Variants in MAEA observed in about 807,000 individuals in gnomAD.
MAEA encodes the protein macrophage erythroblast attacher, E3 ubiquitin ligase, also known as E3 ubiquitin-protein transferase MAEA.
MAEA carries 22 observed loss-of-function variants against 46.2 expected under a neutral mutation model. The observed-to-expected ratio is 0.48, with a 90% CI of 0.34 to 0.68. The LOEUF (loss-of-function observed/expected upper bound fraction) is 0.68, where lower values mean the gene tolerates loss of function less well. MAEA is among the 30% of genes least tolerant of loss of function. The probability of loss-of-function intolerance (pLI) is 0.01; values close to 1 mark genes in which losing one functional copy is unlikely to be tolerated. For synonymous variants in MAEA, 246 were observed against 222.6 expected (o/e 1.11, Z -0.94); for missense variants, 393 against 558.1 (o/e 0.70, Z 2.98).
chr4:1,339,569 T>C lies in MAEA; in HGVS notation c.*400T>C. On this transcript the variant is annotated 3_prime_UTR_variant, in exon 9 of 9. Coordinates refer to ENST00000303400, the MANE Select transcript of MAEA (RefSeq NM_001017405.3). The stretch of plus-strand genomic sequence containing the variant: ...GGAGAACGGGCTGGTCCTTCACCAC[T>C]TCCTGTTGGCCCTGGCCTGGCCGGG... 4.5e-6 allele frequency: 1 copy of C among 221,620 alleles called. No individual in the cohort carries two copies. The highest frequency in any genetic ancestry group is 5.8e-5 in the South Asian group (1 of 17,262). 13.7% of individuals were successfully genotyped at this position (221,620 alleles called of 1,614,324 possible).
rs979790788 is a variant in MAEA, at chr4:1,326,889, T to TC, written c.580-734dup. 8.4e-4 allele frequency among the ~76,000 whole-genome samples: 128 copies of TC among 152,248 alleles called. 1 individual carries two copies. The highest frequency in any genetic ancestry group is 1.4e-3 in the Admixed American group (22 of 15,304). On this transcript the variant is annotated intron_variant, in intron 4 of 8. Transcript: ENST00000303400. The stretch of plus-strand genomic sequence containing the variant: ...CCGTCCATAACCTCGGTGCAGGCGC[T>TC]CCCCGCCCTACCGACCTGGGTCCTG...
chr4:1,306,536 G>T (rs917078255), intron 1 of MAEA, among the ~76,000 whole-genome samples: 4 of 152,104 alleles, frequency 2.6e-5, no homozygotes, highest in African/African-American at 9.7e-5. Context: ...AAAGAAAAGT[G>T]GGTTGGGGGG....
intron 6 of MAEA, among the ~76,000 whole-genome samples, chr4:1,336,604 A>G (rs1460622025): frequency 2.7e-5 from 4 of 150,500 alleles, no homozygotes; most frequent in African/African-American, 9.8e-5. Context: ...ACCCTGTAGC[A>G]TGTTGAAATC....
intron 1 of MAEA, among the ~76,000 whole-genome samples, chr4:1,306,542 G>C (rs1253797076): frequency 2.0e-5 from 3 of 152,090 alleles, no homozygotes; most frequent in African/African-American, 4.8e-5. Context: ...AAGTGGGTTG[G>C]GGGGCTTGCT....
At chr4:1,293,726 G>T (rs1395947176) in intron 1 of MAEA, among the ~76,000 whole-genome samples, 1 of 152,234 alleles carries the variant, frequency 6.6e-6, no homozygotes, top group East Asian at 1.9e-4. Context: ...AGGACAGGCT[G>T]AGAAACACCG....
intron 2 of MAEA, among the ~76,000 whole-genome samples, chr4:1,313,388 G>A (rs971289099): frequency 5.3e-5 from 8 of 152,142 alleles, no homozygotes; most frequent in African/African-American, 1.9e-4. Context: ...AGGGCTGCAC[G>A]GACTGCAGGT....
chr4:1,304,380 C>T (rs1179195605), intron 1 of MAEA, among the ~76,000 whole-genome samples: 1 of 152,076 alleles, frequency 6.6e-6, no homozygotes, highest in Non-Finnish European at 1.5e-5. Context: ...GCAGTCCTCC[C>T]ACCTTAGCCT....
intron 3 of MAEA, among the ~76,000 whole-genome samples, chr4:1,320,154 A>G (rs541289311): frequency 8.8e-5 from 13 of 147,360 alleles, no homozygotes; most frequent in Middle Eastern, 3.5e-3. Context: ...CATCAAAGCA[A>G]ACATGCAAGA....
intron 6 of MAEA, among the ~76,000 whole-genome samples, chr4:1,333,378 C>G (rs1712104691): frequency 6.6e-6 from 1 of 151,980 alleles, no homozygotes; most frequent in Admixed American, 6.6e-5. Context: ...GTTCAGGAAG[C>G]CTTTCAGCCT....
intron 3 of MAEA, 64 bp from the exon 4 acceptor site, chr4:1,322,316 TG>T: frequency 6.3e-7 from 1 of 1,592,230 alleles, no homozygotes; most frequent in Non-Finnish European, 8.6e-7. Flanking sequence ...GGCTGGGGTG[TG>T]GGAGGGTGGC....
At chr4:1,326,464 G>T (rs1199556689) in intron 4 of MAEA, among the ~76,000 whole-genome samples, 1 of 152,196 alleles carries the variant, frequency 6.6e-6, no homozygotes, top group African/African-American at 2.4e-5. Context: ...TTGGATGACT[G>T]CGGTCAATGT....
At chr4:1,333,673 TG>T (rs1235653699) in intron 6 of MAEA, among the ~76,000 whole-genome samples, 2 of 38,812 alleles carry the variant, frequency 5.2e-5, no homozygotes, top group African/African-American at 2.1e-4. Flanking sequence ...TGCCCACCCC[TG>T]CACCCACCCC....
chr4:1,329,459 C>T (rs1427321482), intron 5 of MAEA: 1 of 985,394 alleles, frequency 1.0e-6, no homozygotes, highest in Non-Finnish European at 1.2e-6. Flanking sequence ...GCAGGCAGGT[C>T]CCAGGAAGTG....
chr4:1,298,185 G>T, intron 1 of MAEA: 1 of 416,672 alleles, frequency 2.4e-6, no homozygotes, highest in Non-Finnish European at 4.9e-6. Context: ...CTCTGCCCGC[G>T]GCTTGGCCCT....
intron 2 of MAEA, among the ~76,000 whole-genome samples, chr4:1,313,096 C>A (rs898650093): frequency 1.3e-5 from 2 of 152,228 alleles, no homozygotes; most frequent in African/African-American, 2.4e-5. Flanking sequence ...CAGAAGTGGA[C>A]TGGCGTTGAC....
At chr4:1,322,347 A>G in intron 3 of MAEA, 34 bp from the exon 4 acceptor site, 2 of 1,611,484 alleles carry the variant, frequency 1.2e-6, no homozygotes, top group South Asian at 2.2e-5. Flanking sequence ...TTGAGCCAGC[A>G]CATTCTGATC....
chr4:1,305,928 C>T (rs910620979), intron 1 of MAEA, among the ~76,000 whole-genome samples: 20 of 152,118 alleles, frequency 1.3e-4, no homozygotes, highest in Admixed American at 3.9e-4. Context: ...CGGAAGCTGT[C>T]GGGCGGGCGG....
intron 1 of MAEA, among the ~76,000 whole-genome samples, chr4:1,295,612 C>A (rs1389701343): frequency 2.0e-5 from 3 of 151,818 alleles, no homozygotes; most frequent in Non-Finnish European, 4.4e-5. Context: ...TGCTCCCACA[C>A]CCGTGGTGGA....
At chr4:1,322,229 A>G in intron 3 of MAEA, 152 bp from the exon 4 acceptor site, 1 of 1,045,230 alleles carries the variant, frequency 9.6e-7, no homozygotes, top group Non-Finnish European at 1.4e-6. Context: ...GGCCCTGAGT[A>G]GTCCACGAGT....
Sources: allele counts gnomAD v4.1 joint callset (sites outside exome capture counted in the v4.1 genomes callset), GRCh38; gene constraint gnomAD v4.1.1; transcripts MANE v1.5; gene names NCBI Gene and HGNC (gene_info 2026-07-23, HGNC 2026-07-21).